LVRN: variants seen among roughly 807,000 people sequenced by gnomAD.
LVRN encodes laeverin, also known as aminopeptidase Q.
A neutral mutation model predicts 111.4 loss-of-function variants in LVRN; 99 were observed. The observed-to-expected ratio is 0.89, with a 90% CI of 0.76 to 1.05. The LOEUF is 1.05. LVRN is among the 50% of genes least tolerant of loss of function. LVRN has a pLI of 0.00. For missense variants in LVRN, 1,414 were observed against 1,206.8 expected (o/e 1.17, Z -2.54); for synonymous variants, 488 against 449.5 (o/e 1.09, Z -1.08).
chr5:115,970,456 C>G (rs969709348), intron 1 of LVRN, among the ~76,000 whole-genome samples: 1 of 149,170 alleles, frequency 6.7e-6, no homozygotes, highest in Non-Finnish European at 1.5e-5. Flanking sequence ...AATCTCAGCT[C>G]ACTGCAACCT....
At chr5:115,988,084 T>C in intron 4 of LVRN, 145 bp downstream of exon 4, 1 of 1,119,056 alleles carries the variant, frequency 8.9e-7, no homozygotes, top group Non-Finnish European at 1.3e-6. Context: ...ACCTATGCCT[T>C]ATACCTTCTG....
chr5:115,981,289 A>C (rs1753554325), intron 1 of LVRN, among the ~76,000 whole-genome samples: 1 of 152,206 alleles, frequency 6.6e-6, no homozygotes, highest in Non-Finnish European at 1.5e-5. Flanking sequence ...TACAATTGCT[A>C]TGAACCCAGA....
intron 5 of LVRN, among the ~76,000 whole-genome samples, chr5:115,993,085 G>A (rs1748029519): frequency 6.6e-6 from 1 of 152,128 alleles, no homozygotes; most frequent in Non-Finnish European, 1.5e-5. Flanking sequence ...TTGCAATACA[G>A]GCTATTAGTA....
rs751292875 is a variant in LVRN at position 115,963,134 on chromosome 5, C to T, written c.517C>T (p.Arg173Cys). 5.6e-6 allele frequency: 9 copies of T among 1,613,398 alleles called. No homozygotes were observed. Among genetic ancestry groups the T allele is most frequent in the Non-Finnish European group, 7.6e-6 (9 of 1,179,896 alleles). ...GGGCACTGGGAACGCCACAGTGGGC[C>T]GCGTGCCCGTGGACGACGTGTGGTT... is the stretch of plus-strand genomic sequence containing the variant. ...SPGTGNATVG[R>C]VPVDDVWFAL... Residue 173 changes from arginine (R) to cysteine (C), a missense_variant, in exon 1 of 20, where the codon CGC becomes TGC. Coordinates refer to ENST00000357872, the MANE Select transcript of LVRN (RefSeq NM_173800.5).
chr5:116,015,757 G>C lies in LVRN; in HGVS notation c.2748G>C (p.Val916=). The change falls in exon 18 of 20, where the codon GTG becomes GTC. Residue 916 remains valine, a synonymous_variant. Coordinates refer to ENST00000357872, the MANE Select transcript of LVRN (RefSeq NM_173800.5). ...KDFLVNNWQA[V]SKRYGTQSLI... is the part of the protein sequence containing the mutation. The stretch of plus-strand genomic sequence containing the variant: ...TCTTAGTCAACAACTGGCAAGCTGT[G>C]AGTAAAAGGTAAGAAGGAAAGTGAG... 2 of 1,613,062 alleles carry C rather than the reference G, an allele frequency of 1.2e-6. No homozygotes were observed. Among genetic ancestry groups the C allele is most frequent in the Non-Finnish European group, 8.5e-7 (1 of 1,179,480 alleles).
intron 1 of LVRN, among the ~76,000 whole-genome samples, chr5:115,971,009 C>G (rs1469391457): frequency 6.6e-6 from 1 of 152,188 alleles, no homozygotes; most frequent in Non-Finnish European, 1.5e-5. Context: ...GTTCCAAATC[C>G]TTACCAGCAG....
At chr5:115,992,024 A>C in intron 4 of LVRN, 99 bp from the exon 5 acceptor site, 1 of 1,174,964 alleles carries the variant, frequency 8.5e-7, no homozygotes, top group Non-Finnish European at 1.2e-6. Context: ...TATTCCCTTG[A>C]ATTTTTTGGT....
At chr5:116,021,622 A>G (rs983435683) in intron 18 of LVRN, 9 of 342,732 alleles carry the variant, frequency 2.6e-5, no homozygotes, top group African/African-American at 1.5e-4. Context: ...AAGTAAATCA[A>G]TTGTATATAT....
intron 6 of LVRN, among the ~76,000 whole-genome samples, chr5:115,996,607 C>T (rs1748118239): frequency 1.3e-5 from 2 of 152,116 alleles, no homozygotes; most frequent in Non-Finnish European, 1.5e-5. Context: ...AACAGATTTA[C>T]AATTTTTTCT....
At chr5:116,010,707 G>GT (rs754441134) in intron 13 of LVRN, 34 bp from the exon 14 acceptor site, 30 of 1,568,326 alleles carry the variant, frequency 1.9e-5, no homozygotes, top group Admixed American at 1.1e-4. Context: ...GCAAGTGAAG[G>GT]TTTTTTGAGT....
rs752119554 is a variant in LVRN at position 115,963,191 on chromosome 5, C to A, written c.574C>A (p.Leu192Ile). 1.2e-6 allele frequency: 2 copies of A among 1,612,704 alleles called. No individual in the cohort carries two copies. Among genetic ancestry groups the A allele is most frequent in the East Asian group, 4.5e-5 (2 of 44,868 alleles). Residue 192 changes from leucine (L) to isoleucine (I), a missense_variant, in exon 1 of 20, where the codon CTC becomes ATC. Coordinates refer to ENST00000357872, the MANE Select transcript of LVRN (RefSeq NM_173800.5). ...GGACACGGAATACATGGTGCTGGAG[C>A]TCAGTGAGCCCCTGAAACCTGGTAG... ...ALDTEYMVLE[L>I]SEPLKPGSSY...
Position 115,984,633 on chromosome 5 carries a change from C to T in LVRN, c.902C>T (p.Pro301Leu), listed in dbSNP as rs763801056. 3.1e-6 allele frequency: 5 copies of T among 1,613,586 alleles called. No homozygotes were observed. The African/African-American group carries it at 4.0e-5, about 13-fold the overall frequency. ...ACTGTTACAACCTTTTCCACTACGC[C>T]CCACATGCCAACTTACTTAGTCGCA... ...KWTVTTFSTT[P>L]HMPTYLVAFV... is the part of the protein sequence containing the mutation. Residue 301 changes from proline to leucine, a missense_variant, in exon 3 of 20, where the codon CCC becomes CTC. Coordinates refer to ENST00000357872, the MANE Select transcript of LVRN (RefSeq NM_173800.5).
chr5:115,991,542 G>T (rs914420138), intron 4 of LVRN, among the ~76,000 whole-genome samples: 1 of 152,112 alleles, frequency 6.6e-6, no homozygotes, highest in African/African-American at 2.4e-5. Flanking sequence ...TAAGATTTCT[G>T]GTCATTTGGG....
At chr5:116,019,273 A>C (rs564497681) in intron 18 of LVRN, among the ~76,000 whole-genome samples, 1 of 152,374 alleles carries the variant, frequency 6.6e-6, no homozygotes, top group African/African-American at 2.4e-5. Flanking sequence ...TACAATGACT[A>C]TGACATTGCT....
Position 115,994,684 on chromosome 5 carries a change from AAAT to A in LVRN, c.1374+838_1374+840del, listed in dbSNP as rs1226703470. ...CTGATATTGTTTTGCTAATTTGAGT[AAAT>A]AATAATATTGAAAGATAAATACATC... On this transcript the variant is annotated intron_variant, in intron 6 of 19. Transcript: ENST00000357872. Among the ~76,000 whole-genome samples the A allele has an allele frequency of 7.2e-5, 11 of 152,342 alleles. No homozygotes were observed. The East Asian group carries it at 1.7e-3, about 24-fold the overall frequency.
chr5:115,979,453 A>G (rs1753517068), intron 1 of LVRN, among the ~76,000 whole-genome samples: 1 of 151,972 alleles, frequency 6.6e-6, no homozygotes, highest in East Asian at 1.9e-4. Flanking sequence ...CCTCCCCTCC[A>G]TCAAGAGATA....
intron 1 of LVRN, among the ~76,000 whole-genome samples, chr5:115,978,276 G>C (rs957172173): frequency 3.3e-5 from 5 of 152,142 alleles, no homozygotes; most frequent in Non-Finnish European, 7.4e-5. Context: ...TCCTATAAAG[G>C]TGTCAAACCC....
intron 9 of LVRN, 113 bp downstream of exon 9, chr5:116,000,771 T>C (rs1748221401): frequency 1.7e-6 from 2 of 1,170,934 alleles, no homozygotes; most frequent in Non-Finnish European, 2.5e-6. Context: ...TTTGTCTTGT[T>C]GTAGAACTCC....
intron 1 of LVRN, among the ~76,000 whole-genome samples, chr5:115,981,744 A>C (rs1407958739): frequency 6.6e-6 from 1 of 152,118 alleles, no homozygotes; most frequent in Non-Finnish European, 1.5e-5. Flanking sequence ...GGGACTTTTA[A>C]AGATGCATCT....
Sources: allele counts gnomAD v4.1 joint callset (sites outside exome capture counted in the v4.1 genomes callset), GRCh38; gene constraint gnomAD v4.1.1; transcripts MANE v1.5; gene names NCBI Gene and HGNC (gene_info 2026-07-23, HGNC 2026-07-21).